DNAAF4: variants seen among roughly 807,000 people sequenced by gnomAD.
DNAAF4 encodes dynein axonemal assembly factor 4.
DNAAF4 carries 43 observed loss-of-function variants against 51.8 expected under a neutral mutation model. The observed-to-expected ratio is 0.83, with a 90% CI of 0.65 to 1.07. The LOEUF (loss-of-function observed/expected upper bound fraction) is 1.07. DNAAF4 is among the 50% of genes least tolerant of loss of function. The pLI, the probability that DNAAF4 is intolerant of heterozygous loss-of-function variation, is 0.00. For missense variants in DNAAF4, 581 were observed against 493.0 expected (o/e 1.18, Z -1.69); for synonymous variants, 194 against 165.6 (o/e 1.17, Z -1.32).
At chr15:55,441,693 T>C (rs901801174) in intron 6 of DNAAF4, among the ~76,000 whole-genome samples, 1 of 152,306 alleles carries the variant, frequency 6.6e-6, no homozygotes, top group African/African-American at 2.4e-5. Context: ...AATAGTTTGC[T>C]GAGAATGATG....
chr15:55,450,502 A>C, intron 5 of DNAAF4, 135 bp from the exon 6 acceptor site: 2 of 1,069,186 alleles, frequency 1.9e-6, no homozygotes, highest in Non-Finnish European at 2.6e-6. Context: ...CTGCAAGAAA[A>C]GAATGCAAAA....
At chr15:55,424,655 C>T (rs1472490310) in intron 7 of DNAAF4, among the ~76,000 whole-genome samples, 1 of 152,206 alleles carries the variant, frequency 6.6e-6, no homozygotes, top group Non-Finnish European at 1.5e-5. Context: ...CTCTGTCTCC[C>T]AGGTTCAAGC....
chr15:55,432,913 G>T (rs2057519981), intron 8 of DNAAF4, among the ~76,000 whole-genome samples: 1 of 152,066 alleles, frequency 6.6e-6, no homozygotes, highest in Non-Finnish European at 1.5e-5. Context: ...TCGCGCCACT[G>T]AACTCCAGCC....
chr15:55,449,235 C>G (rs988561649), intron 6 of DNAAF4, among the ~76,000 whole-genome samples: 2 of 150,996 alleles, frequency 1.3e-5, no homozygotes, highest in Non-Finnish European at 3.0e-5. Context: ...GGTGATCCAC[C>G]CACCTCGGCC....
At chr15:55,442,672 C>A in intron 6 of DNAAF4, 1 of 1,498,374 alleles carries the variant, frequency 6.7e-7, no homozygotes, top group East Asian at 2.3e-5. Context: ...TATAAGTAAG[C>A]TTGTCGCCTC....
chr15:55,502,855 T>A (rs2058706878), intron 1 of DNAAF4, among the ~76,000 whole-genome samples: 1 of 151,632 alleles, frequency 6.6e-6, no homozygotes, highest in African/African-American at 2.4e-5. Context: ...AACATCACAA[T>A]TAAAAGAACT....
chr15:55,499,365 C>T (rs976595539), intron 1 of DNAAF4, among the ~76,000 whole-genome samples: 14 of 152,292 alleles, frequency 9.2e-5, no homozygotes, highest in African/African-American at 2.9e-4. Flanking sequence ...GAACTAAGTG[C>T]GGTTCAATCG....
chr15:55,459,541 T>G (rs1382376340), intron 5 of DNAAF4, among the ~76,000 whole-genome samples: 2 of 152,154 alleles, frequency 1.3e-5, no homozygotes, highest in Non-Finnish European at 2.9e-5. Flanking sequence ...AATGCTCCAC[T>G]TAAAAGATAC....
intron 4 of DNAAF4, among the ~76,000 whole-genome samples, chr15:55,469,175 T>C (rs2058212578): frequency 6.6e-6 from 1 of 151,550 alleles, no homozygotes; most frequent in Non-Finnish European, 1.5e-5. Flanking sequence ...TACTAAAAAA[T>C]ACAAAATTTA....
rs930564048 is a variant in DNAAF4, at chr15:55,455,562, A to G, written c.638-5195T>C. Among the ~76,000 whole-genome samples, 11 of 151,708 alleles carry G rather than the reference A, an allele frequency of 7.3e-5. No individual in the cohort carries two copies. In the South Asian group the frequency reaches 8.4e-4, roughly 12 times the overall value. The stretch of plus-strand genomic sequence containing the variant: ...TTCTCCTGCCTCAGCCTCCTGAGTA[A>G]CTGGGACTACAGGCGCATGCCACCA... On this transcript the variant is annotated intron_variant, in intron 5 of 9. Coordinates refer to ENST00000321149, the MANE Select transcript of DNAAF4 (RefSeq NM_130810.4).
At chr15:55,468,618 T>G (rs543486678) in intron 4 of DNAAF4, among the ~76,000 whole-genome samples, 2 of 152,224 alleles carry the variant, frequency 1.3e-5, no homozygotes, top group South Asian at 4.1e-4. Flanking sequence ...TATGTCTGCC[T>G]TTTTTCACTC....
intron 6 of DNAAF4, among the ~76,000 whole-genome samples, chr15:55,446,165 G>A (rs12913182): frequency 0.37 from 44,973 of 122,992 alleles, 6,567 homozygotes; most frequent in East Asian, 0.62. Flanking sequence ...GGGCAGAGGC[G>A]CTCCTCACCT....
chr15:55,497,901 A>G, intron 2 of DNAAF4, 42 bp from the exon 3 acceptor site: 1 of 1,566,092 alleles, frequency 6.4e-7, no homozygotes, highest in Non-Finnish European at 8.6e-7. Flanking sequence ...TAGTTACACA[A>G]ATTAAGCACG....
intron 4 of DNAAF4, among the ~76,000 whole-genome samples, chr15:55,480,469 A>C (rs139758516): frequency 1.3e-5 from 2 of 152,276 alleles, no homozygotes; most frequent in East Asian, 3.9e-4. Flanking sequence ...AAAAACAAGC[A>C]GCCTTTTTCC....
chr15:55,460,905 C>T (rs773215111), intron 5 of DNAAF4, among the ~76,000 whole-genome samples: 58 of 151,934 alleles, frequency 3.8e-4, no homozygotes, highest in Non-Finnish European at 6.2e-4. Flanking sequence ...GCTGGGATTA[C>T]AGGCCCCCGC....
chr15:55,491,096 G>A, intron 4 of DNAAF4, 27 bp downstream of exon 4: 1 of 1,613,686 alleles, frequency 6.2e-7, no homozygotes. Flanking sequence ...TCTCTTTAGA[G>A]GACTTGCCTG....
rs546797519 is a variant in DNAAF4 at position 55,487,428 on chromosome 15, G to A, written c.405+3695C>T. 3.3e-4 allele frequency among the ~76,000 whole-genome samples: 51 copies of A among 152,302 alleles called. No homozygotes were observed. The South Asian group carries it at 9.5e-3, about 28-fold the overall frequency. On this transcript the variant is annotated intron_variant, in intron 4 of 9. Coordinates refer to ENST00000321149, the MANE Select transcript of DNAAF4 (RefSeq NM_130810.4). ...AGCACTCTGTAAAATGGACCAATCC[G>A]CAGGACATAGACGGGGACAAATAAG...
At chr15:55,498,163 G>A (rs1403042165) in intron 2 of DNAAF4, 44 bp downstream of exon 2, 3 of 1,613,484 alleles carry the variant, frequency 1.9e-6, no homozygotes, top group African/African-American at 2.7e-5. Context: ...CAGAAGCTTC[G>A]GACCACACCC....
At chr15:55,497,468 C>T (rs551201977) in intron 3 of DNAAF4, among the ~76,000 whole-genome samples, 2 of 152,014 alleles carry the variant, frequency 1.3e-5, no homozygotes, top group South Asian at 4.2e-4. Context: ...GGCGTGGTGG[C>T]GGACACCTAT....
Sources: allele counts gnomAD v4.1 joint callset (sites outside exome capture counted in the v4.1 genomes callset), GRCh38; gene constraint gnomAD v4.1.1; transcripts MANE v1.5; gene names NCBI Gene and HGNC (gene_info 2026-07-23, HGNC 2026-07-21).